The following AKAP9 variants were observed in gnomAD, a reference collection of about 807,000 sequenced individuals.
AKAP9 encodes the protein A-kinase anchor protein 9.
In AKAP9, 311 loss-of-function variants were observed where a neutral mutation model predicts 488.5. The observed-to-expected ratio is 0.64, with a 90% CI of 0.58 to 0.70. The LOEUF (loss-of-function observed/expected upper bound fraction) is 0.70. Among genes scored for constraint, AKAP9 ranks in the 30% least tolerant of loss-of-function variants. The pLI is 0.00. For missense variants in AKAP9, 4,215 were observed against 4,374.5 expected, an observed-to-expected ratio of 0.96 and a Z score of 1.03; for synonymous variants, 1,462 against 1,483.5, an observed-to-expected ratio of 0.99 and a Z score of 0.33.
intron 31 of AKAP9, among the ~76,000 whole-genome samples, chr7:92,081,880 A>G (rs1813648799): frequency 6.6e-6 from 1 of 152,162 alleles, no homozygotes; most frequent in South Asian, 2.1e-4. Flanking sequence ...ATAATTATAT[A>G]TTTTGCAAAG....
At chr7:92,026,491 C>T (rs545022879) in intron 14 of AKAP9, among the ~76,000 whole-genome samples, 3 of 152,242 alleles carry the variant, frequency 2.0e-5, no homozygotes, top group Admixed American at 6.5e-5. Flanking sequence ...CGCGCCGCCA[C>T]GCCTGACTGG....
At chr7:91,985,290 C>T (rs960342519) in intron 3 of AKAP9, among the ~76,000 whole-genome samples, 17 of 152,144 alleles carry the variant, frequency 1.1e-4, no homozygotes, top group African/African-American at 4.1e-4. Flanking sequence ...TACCTCCCAT[C>T]AATACCTAGT....
chr7:91,955,043 C>T (rs1440089998), intron 1 of AKAP9, among the ~76,000 whole-genome samples: 4 of 152,158 alleles, frequency 2.6e-5, no homozygotes, highest in African/African-American at 9.7e-5. Context: ...TTGTATGACA[C>T]ACTCATTTTA....
chr7:91,950,831 T>C (rs1256411102), intron 1 of AKAP9, among the ~76,000 whole-genome samples: 1 of 152,230 alleles, frequency 6.6e-6, no homozygotes, highest in African/African-American at 2.4e-5. Context: ...ACTAGGAGTT[T>C]ATATATGAAA....
chr7:92,102,500 C>CACT, intron 45 of AKAP9, 94 bp from the exon 46 acceptor site: 1 of 924,282 alleles, frequency 1.1e-6, no homozygotes, highest in South Asian at 1.4e-5. Flanking sequence ...CCACCACCAC[C>CACT]ACCACTACTT....
intron 1 of AKAP9, among the ~76,000 whole-genome samples, chr7:91,970,205 C>T (rs764661125): frequency 3.9e-5 from 6 of 152,130 alleles, no homozygotes; most frequent in Non-Finnish European, 8.8e-5. Context: ...AAAAAACCCT[C>T]TATACTCTAA....
intron 44 of AKAP9, among the ~76,000 whole-genome samples, 197 bp from the exon 45 acceptor site, chr7:92,100,659 G>C (rs1428098065): frequency 6.6e-6 from 1 of 152,174 alleles, no homozygotes; most frequent in African/African-American, 2.4e-5. Flanking sequence ...ACTTTTAGTT[G>C]TAAAACTAAT....
At chr7:92,032,234 C>A (rs543583861) in intron 16 of AKAP9, among the ~76,000 whole-genome samples, 1 of 152,140 alleles carries the variant, frequency 6.6e-6, no homozygotes, top group Non-Finnish European at 1.5e-5. Context: ...CAGTGGCTCA[C>A]GCCTGTAATC....
chr7:92,080,341 G>A lies in AKAP9; in HGVS notation c.8019+189G>A, dbSNP rs540321545. Among the ~76,000 whole-genome samples the A allele has an allele frequency of 7.2e-5, 11 of 152,320 alleles. No individual in the cohort carries two copies. The East Asian group carries it at 1.2e-3, about 16-fold the overall frequency. ...AGGACAGGCGCGGTGGCCCACGCCTGTAATCCCAGCACTTTGGGAGGCCGA... is the reference window on the plus strand; with the variant it reads ...AGGACAGGCGCGGTGGCCCACGCCTATAATCCCAGCACTTTGGGAGGCCGA... On this transcript the variant is annotated intron_variant, in intron 31 of 49. Transcript: ENST00000356239.
intron 28 of AKAP9, among the ~76,000 whole-genome samples, chr7:92,072,354 C>G (rs1811855292): frequency 6.6e-6 from 1 of 152,166 alleles, no homozygotes; most frequent in Non-Finnish European, 1.5e-5. Flanking sequence ...AAACTGACAG[C>G]TGACCCTAAT....
chr7:92,104,341 C>T (rs182311126), intron 46 of AKAP9, among the ~76,000 whole-genome samples: 6 of 151,990 alleles, frequency 3.9e-5, no homozygotes, highest in Admixed American at 3.9e-4. Flanking sequence ...CAGGCGCCCA[C>T]CACCACACCC....
At chr7:91,946,261 C>G (rs1791440648) in intron 1 of AKAP9, among the ~76,000 whole-genome samples, 1 of 152,180 alleles carries the variant, frequency 6.6e-6, no homozygotes, top group Admixed American at 6.5e-5. Context: ...TTTAAGCATT[C>G]TAGTTTTTCA....
chr7:91,941,296 G>T (rs747787203), intron 1 of AKAP9, 149 bp downstream of exon 1: 10 of 670,012 alleles, frequency 1.5e-5, no homozygotes, highest in Non-Finnish European at 2.3e-5. Flanking sequence ...ATCTCTCCTC[G>T]CCCTCCTCCT....
At chr7:92,019,028 G>A (rs1482667369) in intron 12 of AKAP9, among the ~76,000 whole-genome samples, 2 of 152,064 alleles carry the variant, frequency 1.3e-5, no homozygotes, top group Non-Finnish European at 2.9e-5. Flanking sequence ...TTCACTCCTG[G>A]TCTTCTACCA....
chr7:92,084,566 C>G lies in AKAP9; in HGVS notation c.8647-74C>G, dbSNP rs61144642. 8,869 of 1,115,972 alleles carry G rather than the reference C, an allele frequency of 7.9e-3. 505 individuals are homozygous for G. In the African/African-American group the frequency reaches 0.12, roughly 15 times the overall value. The allele number at this position is 1,115,972 out of a possible 1,614,324, so 69.1% of individuals were successfully genotyped here. On this transcript the variant is annotated intron_variant, in intron 33 of 49. Coordinates refer to ENST00000356239, the MANE Select transcript of AKAP9 (RefSeq NM_005751.5). ...ATTTGATTGATTACAGCACGGGAAA[C>G]CAGCAAAATAATTCATTGTATTCTA...
At position 92,013,392 on chromosome 7, in the gene AKAP9, T is replaced by G. The variant is rs537714055; in HGVS notation, c.3532+750T>G. On this transcript the variant is annotated intron_variant, in intron 9 of 49. Transcript: ENST00000356239. ...AGTTCAAGGTGTGTGAGAAAGTAGT[T>G]GGGGTTATAGCTGGAGAGATTGGCA... 3.9e-5 allele frequency among the ~76,000 whole-genome samples: 6 copies of G among 152,212 alleles called. No individual in the cohort carries two copies. In the East Asian group the frequency reaches 1.2e-3, roughly 29 times the overall value.
At chr7:91,994,429 A>T (rs939754157) in intron 5 of AKAP9, among the ~76,000 whole-genome samples, 192 bp from the exon 6 acceptor site, 3 of 152,190 alleles carry the variant, frequency 2.0e-5, no homozygotes, top group Admixed American at 6.5e-5. Flanking sequence ...TTTTTTCCTT[A>T]GTTCAGATAA....
chr7:91,980,586 T>G (rs1210126073), intron 3 of AKAP9, among the ~76,000 whole-genome samples: 1 of 136,518 alleles, frequency 7.3e-6, no homozygotes, highest in African/African-American at 2.7e-5. Flanking sequence ...CTGGAAAGTA[T>G]TTGATATTGG....
intron 49 of AKAP9, 147 bp downstream of exon 49, chr7:92,108,780 T>C: frequency 1.0e-6 from 1 of 956,350 alleles, no homozygotes; most frequent in Non-Finnish European, 1.7e-6. Flanking sequence ...AAGCTTAAAC[T>C]CTTGTAACCA....
Sources: allele counts gnomAD v4.1 joint callset (sites outside exome capture counted in the v4.1 genomes callset), GRCh38; gene constraint gnomAD v4.1.1; transcripts MANE v1.5; gene names NCBI Gene and HGNC (gene_info 2026-07-23, HGNC 2026-07-21).